Variants in FAHD1 observed in about 807,000 individuals in gnomAD.
FAHD1 encodes the protein oxaloacetate tautomerase FAHD1, mitochondrial.
FAHD1 carries 14 observed loss-of-function variants against 12.7 expected under a neutral mutation model. The observed-to-expected ratio is 1.10, with a 90% CI of 0.73 to 1.72. The LOEUF is 1.72. FAHD1 is among the 40% of genes most tolerant of loss of function. FAHD1 has a pLI of 0.00. For missense variants in FAHD1, 351 were observed against 298.9 expected (o/e 1.17, Z -1.29); for synonymous variants, 153 against 124.9 (o/e 1.22, Z -1.50).
At chr16:1,840,165 A>G (rs964005308) in exon 3 of FAHD1, 6 of 152,334 alleles carry the variant, frequency 3.9e-5, no homozygotes, top group Admixed American at 1.3e-4. Flanking sequence ...CAAATTTTAG[A>G]TGCTTTTCCT....
downstream of FAHD1, among the ~76,000 whole-genome samples, chr16:1,833,671 C>T (rs1898665944): frequency 6.6e-6 from 1 of 150,964 alleles, no homozygotes; most frequent in African/African-American, 2.4e-5. Context: ...AAGAGATTCT[C>T]CTGCCTCAGC....
At chr16:1,827,691 C>T (rs762283022) in exon 1 of FAHD1, 1 of 1,614,106 alleles carries the variant, frequency 6.2e-7, no homozygotes, top group East Asian at 2.2e-5. Flanking sequence ...AGGTCAACGG[C>T]GAACTCAGAC....
At chr16:1,828,274 CAA>C (rs71145497) in exon 1 of FAHD1, 4,089 of 788,924 alleles carry the variant, frequency 5.2e-3, no homozygotes, top group Non-Finnish European at 5.5e-3. Flanking sequence ...GACTCCGTCT[CAA>C]AAAAAAAAAA....
intron 1 of FAHD1, among the ~76,000 whole-genome samples, chr16:1,837,343 G>A (rs1052104132): frequency 6.6e-6 from 1 of 151,686 alleles, no homozygotes; most frequent in Non-Finnish European, 1.5e-5. Context: ...CACAGGGTGG[G>A]TGGGGGTGGG....
At chr16:1,837,933 C>G in intron 1 of FAHD1, 1 of 1,456,262 alleles carries the variant, frequency 6.9e-7, no homozygotes, top group Admixed American at 2.7e-5. Flanking sequence ...TCATTTTTGA[C>G]AACAGTGTGA....
intron 1 of FAHD1, among the ~76,000 whole-genome samples, chr16:1,835,832 C>T (rs1183490901): frequency 6.6e-6 from 1 of 151,722 alleles, no homozygotes; most frequent in Non-Finnish European, 1.5e-5. Flanking sequence ...GCATTGCCTG[C>T]CTATGTATCT....
downstream of FAHD1, among the ~76,000 whole-genome samples, chr16:1,831,527 T>C (rs1027871236): frequency 6.6e-6 from 1 of 152,178 alleles, no homozygotes; most frequent in Non-Finnish European, 1.5e-5. Flanking sequence ...TCATAGAAGC[T>C]GAGGGACTTC....
chr16:1,828,328 T>A, exon 1 of FAHD1: 1 of 1,005,588 alleles, frequency 9.9e-7, no homozygotes, highest in Non-Finnish European at 1.2e-6. Context: ...TAGATTGCTA[T>A]GCCTCAACTC....
chr16:1,839,316 G>C (rs748509110), exon 3 of FAHD1: 1 of 1,614,198 alleles, frequency 6.2e-7, no homozygotes, highest in Admixed American at 1.7e-5. Context: ...AAGGGTGCCT[G>C]TGTGATCAGT....
exon 2 of FAHD1, chr16:1,838,039 C>T (rs1898796234): frequency 7.7e-7 from 1 of 1,302,110 alleles, no homozygotes. Flanking sequence ...CTCTGTCGCC[C>T]AAGCTGGAGT....
chr16:1,833,411 C>T (rs1259638889), downstream of FAHD1, among the ~76,000 whole-genome samples: 10 of 152,006 alleles, frequency 6.6e-5, no homozygotes, highest in African/African-American at 2.4e-4. Flanking sequence ...CTAGAAGAGC[C>T]CCAGGTGCTC....
At chr16:1,830,944 A>ACACACACACACACCCCACCCACC (rs57025691), downstream of FAHD1, among the ~76,000 whole-genome samples, 3,350 of 147,140 alleles carry the variant, frequency 0.023, 84 homozygotes, top group African/African-American at 0.045. Flanking sequence ...ACACACACAC[A>ACACACACACACACCCCACCCACC]CCCATATTTT....
At chr16:1,827,638 AAGG>A in exon 1 of FAHD1, 1 of 1,614,074 alleles carries the variant, frequency 6.2e-7, no homozygotes, top group Non-Finnish European at 8.5e-7. Context: ...GTTCGTGCCC[AAGG>A]AGAAGATCCC....
exon 3 of FAHD1, chr16:1,839,441 G>A: frequency 1.2e-6 from 2 of 1,602,210 alleles, no homozygotes; most frequent in African/African-American, 2.7e-5. Context: ...AGCTGGAACT[G>A]AAAAGAAACA....
At chr16:1,837,722 A>T in intron 1 of FAHD1, 1 of 858,656 alleles carries the variant, frequency 1.2e-6, no homozygotes, top group Non-Finnish European at 1.8e-6. Context: ...GGTTTTTCTT[A>T]TGGTTTGAAT....
chr16:1,835,486 T>C (rs1447711852), intron 1 of FAHD1, among the ~76,000 whole-genome samples: 1 of 152,146 alleles, frequency 6.6e-6, no homozygotes, highest in Non-Finnish European at 1.5e-5. Flanking sequence ...TATCAACCAC[T>C]TTAATTTCAA....
At chr16:1,828,188 G>T in exon 1 of FAHD1, 1 of 850,496 alleles carries the variant, frequency 1.2e-6, no homozygotes, top group Admixed American at 4.6e-5. Context: ...GGCTGAGGCA[G>T]GAGAATCAAT....
In FAHD1 at chr16:1,839,293, G is replaced by A. The variant is rs751190600; in HGVS notation, c.*40G>A. On this transcript the variant is annotated 3_prime_UTR_variant, in exon 3 of 3. Transcript: ENST00000382666. ...GTCTCCTCAGCAACACTTCCTGTGA[G>A]ACTACAGGAATGAAGGGTGCCTGTG... The A allele has an allele frequency of 3.7e-6, 6 of 1,613,750 alleles. No individual in the cohort carries two copies. The Admixed American group carries it at 8.3e-5, about 22-fold the overall frequency.
At chr16:1,832,854 T>C (rs1292330924), downstream of FAHD1, among the ~76,000 whole-genome samples, 1 of 152,176 alleles carries the variant, frequency 6.6e-6, no homozygotes, top group African/African-American at 2.4e-5. Context: ...AGGCCTGTTC[T>C]GCACAACTAG....
Sources: allele counts gnomAD v4.1 joint callset (sites outside exome capture counted in the v4.1 genomes callset), GRCh38; gene constraint gnomAD v4.1.1; transcripts MANE v1.5; gene names NCBI Gene and HGNC (gene_info 2026-07-23, HGNC 2026-07-21).